Variants in NEGR1 observed in about 807,000 individuals in gnomAD.
The protein encoded by NEGR1 is neuronal growth regulator 1.
A neutral mutation model predicts 40.9 loss-of-function variants in NEGR1; 10 were observed. That is an observed-to-expected ratio of 0.24 (90% CI 0.15 to 0.42). The LOEUF is 0.42. Ranked by LOEUF, NEGR1 falls within the 10% of genes least tolerant of loss-of-function variation. The probability of loss-of-function intolerance (pLI) is 1.00; values close to 1 mark genes in which losing one functional copy is unlikely to be tolerated. For missense variants in NEGR1, 352 were observed against 438.9 expected (o/e 0.80, Z 1.77); for synonymous variants, 185 against 166.8 (o/e 1.11, Z -0.84).
At chr1:72,089,934 A>G (rs1357500819) in intron 1 of NEGR1, among the ~76,000 whole-genome samples, 1 of 152,130 alleles carries the variant, frequency 6.6e-6, no homozygotes, top group Non-Finnish European at 1.5e-5. Flanking sequence ...AAAAATGATT[A>G]TATTTTATGA....
At chr1:71,928,005 A>C (rs1170638185) in intron 2 of NEGR1, among the ~76,000 whole-genome samples, 1 of 109,146 alleles carries the variant, frequency 9.2e-6, no homozygotes, top group Non-Finnish European at 1.8e-5. Flanking sequence ...CTCAGGAAAA[A>C]ATAAATAAAT....
chr1:71,625,118 C>A (rs950857703), intron 4 of NEGR1, among the ~76,000 whole-genome samples: 2 of 152,012 alleles, frequency 1.3e-5, no homozygotes, highest in African/African-American at 4.8e-5. Flanking sequence ...ATTTCATTCA[C>A]CTTTGCTGAG....
intron 5 of NEGR1, among the ~76,000 whole-genome samples, chr1:71,601,332 G>A (rs569167212): frequency 3.3e-5 from 5 of 152,312 alleles, no homozygotes; most frequent in African/African-American, 9.6e-5. Flanking sequence ...ATGTTGGTGT[G>A]GATGTGGAGA....
intron 6 of NEGR1, among the ~76,000 whole-genome samples, chr1:71,559,336 T>A (rs1648364681): frequency 6.6e-6 from 1 of 151,538 alleles, no homozygotes; most frequent in African/African-American, 2.4e-5. Context: ...TCTTACATTA[T>A]CAAATCAAAA....
intron 1 of NEGR1, among the ~76,000 whole-genome samples, chr1:72,012,416 G>T (rs12565657): frequency 0.08 from 12,102 of 151,970 alleles, 489 homozygotes; most frequent in South Asian, 0.11. Context: ...CCTTGCTACG[G>T]TCGAGCCAAA....
At chr1:71,619,273 G>GA (rs980383381) in intron 4 of NEGR1, among the ~76,000 whole-genome samples, 49 of 152,110 alleles carry the variant, frequency 3.2e-4, no homozygotes, top group African/African-American at 1.2e-3. Context: ...ATGATCAAAT[G>GA]AAAAAATCTG....
At chr1:71,804,331 G>T (rs1460132258) in intron 2 of NEGR1, among the ~76,000 whole-genome samples, 1 of 152,184 alleles carries the variant, frequency 6.6e-6, no homozygotes, top group African/African-American at 2.4e-5. Context: ...CAGATGTCAT[G>T]CATGCAGTGC....
chr1:71,626,186 C>G (rs893136316), intron 4 of NEGR1, among the ~76,000 whole-genome samples: 12 of 151,890 alleles, frequency 7.9e-5, no homozygotes, highest in African/African-American at 2.9e-4. Context: ...AACAGATTAT[C>G]TGAAACTAAA....
intron 6 of NEGR1, among the ~76,000 whole-genome samples, chr1:71,553,746 C>T (rs956670173): frequency 1.3e-5 from 2 of 149,906 alleles, no homozygotes; most frequent in East Asian, 3.9e-4. Context: ...ATGAGCCAAC[C>T]TGGAAAAAAG....
intron 6 of NEGR1, among the ~76,000 whole-genome samples, chr1:71,413,966 T>G (rs1646339685): frequency 6.6e-6 from 1 of 152,184 alleles, no homozygotes; most frequent in Non-Finnish European, 1.5e-5. Flanking sequence ...ATTACTTCCC[T>G]AGAAATTTCC....
intron 1 of NEGR1, among the ~76,000 whole-genome samples, chr1:72,046,497 T>C (rs528740267): frequency 6.6e-6 from 1 of 151,750 alleles, no homozygotes; most frequent in South Asian, 2.1e-4. Context: ...AATTATAGCT[T>C]CATGATTATA....
At chr1:71,702,160 C>A (rs1343985777) in intron 3 of NEGR1, among the ~76,000 whole-genome samples, 1 of 152,054 alleles carries the variant, frequency 6.6e-6, no homozygotes, top group South Asian at 2.1e-4. Context: ...TAAATCAACT[C>A]AAAATCAATT....
chr1:71,527,401 CACCA>C (rs1647229968), intron 6 of NEGR1, among the ~76,000 whole-genome samples: 1 of 130,686 alleles, frequency 7.7e-6, no homozygotes, highest in Non-Finnish European at 1.6e-5. Flanking sequence ...TCCATCCAAC[CACCA>C]TCCATCCATC....
chr1:71,618,059 C>A (rs992206788), intron 4 of NEGR1, among the ~76,000 whole-genome samples: 2 of 152,092 alleles, frequency 1.3e-5, no homozygotes, highest in Non-Finnish European at 2.9e-5. Flanking sequence ...GCATTCAAAG[C>A]CAAACTGGAA....
At chr1:71,648,961 C>T (rs1364962728) in intron 4 of NEGR1, among the ~76,000 whole-genome samples, 2 of 151,994 alleles carry the variant, frequency 1.3e-5, no homozygotes, top group Admixed American at 6.6e-5. Flanking sequence ...CCAATGACTC[C>T]TTCTAAAGAC....
chr1:72,182,522 G>T (rs1257604718), intron 1 of NEGR1, among the ~76,000 whole-genome samples: 1 of 151,738 alleles, frequency 6.6e-6, no homozygotes, highest in African/African-American at 2.4e-5. Flanking sequence ...CAAATAAAAT[G>T]TTCAGGTTAT....
At chr1:71,662,618 G>A (rs773649360) in intron 4 of NEGR1, among the ~76,000 whole-genome samples, 7 of 151,776 alleles carry the variant, frequency 4.6e-5, no homozygotes, top group African/African-American at 1.7e-4. Context: ...TGATTTTAAA[G>A]TACTTTGCAT....
intron 1 of NEGR1, among the ~76,000 whole-genome samples, chr1:72,175,537 G>A (rs1355677165): frequency 3.3e-5 from 5 of 152,002 alleles, no homozygotes; most frequent in South Asian, 2.1e-4. Context: ...ATTGCTACTA[G>A]TGCAATGACT....
At chr1:71,691,572 T>C (rs1653281854) in intron 4 of NEGR1, among the ~76,000 whole-genome samples, 1 of 151,892 alleles carries the variant, frequency 6.6e-6, no homozygotes, top group African/African-American at 2.4e-5. Flanking sequence ...TTTGTGAATG[T>C]AAACTATAAA....
Sources: allele counts gnomAD v4.1 joint callset (sites outside exome capture counted in the v4.1 genomes callset), GRCh38; gene constraint gnomAD v4.1.1; transcripts MANE v1.5; gene names NCBI Gene and HGNC (gene_info 2026-07-23, HGNC 2026-07-21).